Variants in CCND2 observed in about 807,000 individuals in gnomAD.
The protein encoded by CCND2 is cyclin D2, also known as G1/S-specific cyclin-D2.
In CCND2, 6 loss-of-function variants were observed where a neutral mutation model predicts 30.2. The observed-to-expected ratio is 0.20, with a 90% CI of 0.11 to 0.39. The LOEUF (loss-of-function observed/expected upper bound fraction) is 0.39, where lower values mean the gene tolerates loss of function less well. Ranked by LOEUF, CCND2 falls within the 10% of genes least tolerant of loss-of-function variation. The probability of loss-of-function intolerance (pLI) is 1.00; values close to 1 mark genes in which losing one functional copy is unlikely to be tolerated. For synonymous variants in CCND2, 150 were observed against 153.1 expected (o/e 0.98, Z 0.15); for missense variants, 235 against 373.4 (o/e 0.63, Z 3.06).
At chr12:4,278,694 G>T (rs1221865622) in intron 2 of CCND2, 66 bp from the exon 3 acceptor site, 2 of 1,555,960 alleles carry the variant, frequency 1.3e-6, no homozygotes, top group African/African-American at 2.7e-5. Context: ...CCAACCCCCA[G>T]CCCCCTACAC....
Position 4,302,368 on chromosome 12 carries a change from T to C in CCND2, c.*2359T>C, listed in dbSNP as rs1431313559. 6 of 232,964 alleles carry C rather than the reference T, an allele frequency of 2.6e-5. No homozygotes were observed. In the East Asian group the frequency reaches 3.6e-4, roughly 14 times the overall value. The allele number at this position is 232,964 out of a possible 1,614,324, so 14.4% of individuals were successfully genotyped here. ...GTGTCAGGAAACAGACTAAAAAGAA[T>C]TCCACCAGGCTGTTTGGAGATCCTC... On this transcript the variant is annotated 3_prime_UTR_variant, in exon 5 of 5. Transcript: ENST00000261254.
chr12:4,300,322 A>G lies in CCND2; in HGVS notation c.*313A>G. ...CCTGCAGAGTAGTTAGAGAATATGT[A>G]TGCCTGCAATATGGGAACAAATTAG... On this transcript the variant is annotated 3_prime_UTR_variant, in exon 5 of 5. Transcript: ENST00000261254. The G allele has an allele frequency of 6.6e-6, 2 of 302,904 alleles. No homozygotes were observed. The highest frequency in any genetic ancestry group is 9.2e-5 in the South Asian group (1 of 10,818). 18.8% of individuals were successfully genotyped at this position (302,904 alleles called of 1,614,324 possible).
At chr12:4,294,050 C>T (rs1259012836) in intron 4 of CCND2, among the ~76,000 whole-genome samples, 1 of 152,192 alleles carries the variant, frequency 6.6e-6, no homozygotes, top group Non-Finnish European at 1.5e-5. Flanking sequence ...GTCTGGGGCT[C>T]ATTCAGCCCT....
Position 4,299,251 on chromosome 12 carries a change from T to C in CCND2, c.721-609T>C, listed in dbSNP as rs1325330352. On this transcript the variant is annotated intron_variant, in intron 4 of 4. Transcript: ENST00000261254. The surrounding 1 kb of genome is among the most constrained non-coding windows in gnomAD (Gnocchi z 5.2). ...GGCGGGTGCCTGTAGTCCCAGCTACTTGGGAGGCTGAGGCAGGAGAATCGC... is the reference window on the plus strand; with the variant it reads ...GGCGGGTGCCTGTAGTCCCAGCTACCTGGGAGGCTGAGGCAGGAGAATCGC... 2.0e-5 allele frequency among the ~76,000 whole-genome samples: 3 copies of C among 152,150 alleles called. No individual in the cohort carries two copies. Among genetic ancestry groups the C allele is most frequent in the Non-Finnish European group, 4.4e-5 (3 of 68,022 alleles).
At position 4,299,012 on chromosome 12, in the gene CCND2, C is replaced by A. The variant is rs1864211611; in HGVS notation, c.721-848C>A. Among the ~76,000 whole-genome samples, 2 of 152,048 alleles carry A rather than the reference C, an allele frequency of 1.3e-5. No homozygotes were observed. Among genetic ancestry groups the A allele is most frequent in the East Asian group, 3.9e-4 (2 of 5,192 alleles). On this transcript the variant is annotated intron_variant, in intron 4 of 4. Coordinates refer to ENST00000261254, the MANE Select transcript of CCND2 (RefSeq NM_001759.4). This position sits in a 1 kb window ranked among gnomAD's most constrained non-coding sequence, Gnocchi z 5.2. ...ATGTTGTAGACATTCTGCATTATAT[C>A]TTTATGAGAGTTAAGGAAATGGTAA...
In CCND2 at chr12:4,282,363, C is replaced by A. The variant is rs777481291; in HGVS notation, c.571+3444C>A. 2.0e-5 allele frequency among the ~76,000 whole-genome samples: 3 copies of A among 152,196 alleles called. No individual in the cohort carries two copies. Among genetic ancestry groups the A allele is most frequent in the Non-Finnish European group, 4.4e-5 (3 of 68,028 alleles). ...CCCCCAGGCCTCCCCACGCCAAGGC[C>A]AGAGCCCCATTGTTGACTAGAACCC... On this transcript the variant is annotated intron_variant, in intron 3 of 4. Transcript: ENST00000261254. This position sits in a 1 kb window ranked among gnomAD's most constrained non-coding sequence, Gnocchi z 4.3.
Position 4,301,423 on chromosome 12 carries a change from C to T in CCND2, c.*1414C>T, listed in dbSNP as rs551292905. Reference sequence around the variant, plus strand: ...ATTCAGCGTACTTGAATTTTTCTTCCTCTCCACTTCTTAGAGGCATTCAGT... The same window carrying T: ...ATTCAGCGTACTTGAATTTTTCTTCTTCTCCACTTCTTAGAGGCATTCAGT... On this transcript the variant is annotated 3_prime_UTR_variant, in exon 5 of 5. Transcript: ENST00000261254. 4.3e-6 allele frequency: 1 copy of T among 231,842 alleles called. No homozygotes were observed. Among genetic ancestry groups the T allele is most frequent in the Admixed American group, 5.7e-5 (1 of 17,648 alleles). 14.4% of individuals were successfully genotyped at this position (231,842 alleles called of 1,614,324 possible). A position where few individuals can be genotyped will look rare whatever the true frequency, so the allele number is the denominator to read the frequency against.
In CCND2 at chr12:4,304,048, G is replaced by A. The variant is rs886502886; in HGVS notation, c.*4039G>A. On this transcript the variant is annotated 3_prime_UTR_variant, in exon 5 of 5. Coordinates refer to ENST00000261254, the MANE Select transcript of CCND2 (RefSeq NM_001759.4). This position sits in a 1 kb window ranked among gnomAD's most constrained non-coding sequence, Gnocchi z 6.2. Reference sequence around the variant, plus strand: ...CTAGGGCCTCTCCAGACTGTGCCCTGGGAGCTCTGGGACTGAAAGGTTAAG... The same window carrying A: ...CTAGGGCCTCTCCAGACTGTGCCCTAGGAGCTCTGGGACTGAAAGGTTAAG... The A allele has an allele frequency of 1.0e-4, 24 of 233,184 alleles. No individual in the cohort carries two copies. Among genetic ancestry groups the A allele is most frequent in the African/African-American group, 4.9e-4 (22 of 45,326 alleles). 14.4% of individuals were successfully genotyped at this position (233,184 alleles called of 1,614,324 possible).
In CCND2 at chr12:4,274,073, C is replaced by T. The variant is rs371641860; in HGVS notation, c.33C>T (p.Val11=). The T allele has an allele frequency of 1.2e-6, 2 of 1,612,884 alleles. No individual in the cohort carries two copies. Among genetic ancestry groups the T allele is most frequent in the Middle Eastern group, 1.7e-4 (1 of 5,878 alleles). Residue 11 remains valine, a synonymous_variant, in exon 1 of 5, where the codon GTC becomes GTT. Coordinates refer to ENST00000261254, the MANE Select transcript of CCND2 (RefSeq NM_001759.4). This position sits in a 1 kb window ranked among gnomAD's most constrained non-coding sequence, Gnocchi z 7.7. ...TGCTGTGCCACGAGGTGGACCCGGT[C>T]CGCAGGGCCGTGCGGGACCGCAACC... The part of the protein sequence containing the change: MELLCHEVDP[V]RRAVRDRNLL...
Position 4,300,149 on chromosome 12 carries a change from T to C in CCND2, c.*140T>C. The stretch of plus-strand genomic sequence containing the variant: ...CACCTAGATCATATTTAAAGATCTT[T>C]TAGAAGTGAGAGAAAAAGGTCCTAC... On this transcript the variant is annotated 3_prime_UTR_variant, in exon 5 of 5. Coordinates refer to ENST00000261254, the MANE Select transcript of CCND2 (RefSeq NM_001759.4). 1.2e-6 allele frequency: 1 copy of C among 844,866 alleles called. No homozygotes were observed. 52.3% of individuals were successfully genotyped at this position (844,866 alleles called of 1,614,324 possible).
rs1864258827 is a variant in CCND2 at position 4,302,126 on chromosome 12, A to G, written c.*2117A>G. ...TGAGGAATACAGAAGCAGTGTGAGC[A>G]GGGCTGACTCCCTCTCAGGTGGAAG... On this transcript the variant is annotated 3_prime_UTR_variant, in exon 5 of 5. Transcript: ENST00000261254. 8.6e-6 allele frequency: 2 copies of G among 233,064 alleles called. No homozygotes were observed. Among genetic ancestry groups the G allele is most frequent in the Non-Finnish European group, 1.7e-5 (2 of 117,804 alleles). The allele number at this position is 233,064 out of a possible 1,614,324, so 14.4% of individuals were successfully genotyped here.
rs554113830 is a variant in CCND2 at position 4,281,591 on chromosome 12, C to T, written c.571+2672C>T. 1.4e-3 allele frequency among the ~76,000 whole-genome samples: 207 copies of T among 151,798 alleles called. 2 individuals carry two copies. Among genetic ancestry groups the T allele is most frequent in the Non-Finnish European group, 2.5e-3 (172 of 67,942 alleles). ...CGTCCTGGAGCTGATGAAACACCTG[C>T]GGCCAGGGTCTCGGAGGTCCACAGT... On this transcript the variant is annotated intron_variant, in intron 3 of 4. Transcript: ENST00000261254.
rs1280064185 is a variant in CCND2 at position 4,273,810 on chromosome 12, G to A, written c.-231G>A. On this transcript the variant is annotated 5_prime_UTR_variant, in exon 1 of 5. Coordinates refer to ENST00000261254, the MANE Select transcript of CCND2 (RefSeq NM_001759.4). The surrounding 1 kb of genome is among the most constrained non-coding windows in gnomAD (Gnocchi z 5.9). ...GAGAGCGAGACCAGTTTTAAGGGGAGGACCGGTGCGAGTGAGGCAGCCCCG... is the reference window on the plus strand; with the variant it reads ...GAGAGCGAGACCAGTTTTAAGGGGAAGACCGGTGCGAGTGAGGCAGCCCCG... The A allele has an allele frequency of 3.4e-6, 2 of 590,252 alleles. No individual in the cohort carries two copies. The highest frequency in any genetic ancestry group is 3.8e-5 in the African/African-American group (2 of 53,326). 36.6% of individuals were successfully genotyped at this position (590,252 alleles called of 1,614,324 possible).
chr12:4,299,805 A>G lies in CCND2; in HGVS notation c.721-55A>G. The G allele has an allele frequency of 1.3e-6, 2 of 1,522,110 alleles. No individual in the cohort carries two copies. The highest frequency in any genetic ancestry group is 1.8e-5 in the Admixed American group (1 of 55,078). 94.3% of individuals were successfully genotyped at this position (1,522,110 alleles called of 1,614,324 possible). On this transcript the variant is annotated intron_variant, in intron 4 of 4. Coordinates refer to ENST00000261254, the MANE Select transcript of CCND2 (RefSeq NM_001759.4). This position sits in a 1 kb window ranked among gnomAD's most constrained non-coding sequence, Gnocchi z 5.2. ...AAATTACGCATGTTTTCTCCGTAGGATGCTCTATGTCCTGTTCCTCTTACT... is the reference window on the plus strand; with the variant it reads ...AAATTACGCATGTTTTCTCCGTAGGGTGCTCTATGTCCTGTTCCTCTTACT...
Position 4,304,027 on chromosome 12 carries a change from G to A in CCND2, c.*4018G>A. On this transcript the variant is annotated 3_prime_UTR_variant, in exon 5 of 5. Transcript: ENST00000261254. The surrounding 1 kb of genome is among the most constrained non-coding windows in gnomAD (Gnocchi z 6.2). ...CTTCCCTGCAGTCTAGCACCTCTAG[G>A]GCCTCTCCAGACTGTGCCCTGGGAG... is the stretch of plus-strand genomic sequence containing the variant. The A allele has an allele frequency of 4.3e-6, 1 of 233,298 alleles. No individual in the cohort carries two copies. The highest frequency in any genetic ancestry group is 6.0e-5 in the East Asian group (1 of 16,590). 14.5% of individuals were successfully genotyped at this position (233,298 alleles called of 1,614,324 possible). A position where few individuals can be genotyped will look rare whatever the true frequency, so the allele number is the denominator to read the frequency against.
At chr12:4,279,496 G>A (rs146765819) in intron 3 of CCND2, among the ~76,000 whole-genome samples, 236 of 152,064 alleles carry the variant, frequency 1.6e-3, no homozygotes, top group East Asian at 0.014. Context: ...GTTGGCTTTC[G>A]GTGAGGCTTT....
rs1176988175 is a variant in CCND2, at chr12:4,274,707, G to A, written c.195+472G>A. Reference sequence around the variant, plus strand: ...CGCGACTCCGCGCTGGCACTTCACCGGGGAGGTGGAGGGAGGAGGGAGAAG... The same window carrying A: ...CGCGACTCCGCGCTGGCACTTCACCAGGGAGGTGGAGGGAGGAGGGAGAAG... On this transcript the variant is annotated intron_variant, in intron 1 of 4. Transcript: ENST00000261254. The surrounding 1 kb of genome is among the most constrained non-coding windows in gnomAD (Gnocchi z 7.7). Among the ~76,000 whole-genome samples the A allele has an allele frequency of 6.6e-6, 1 of 152,226 alleles. No individual in the cohort carries two copies. The highest frequency in any genetic ancestry group is 1.5e-5 in the Non-Finnish European group (1 of 68,044).
At chr12:4,294,085 G>A (rs184777678) in intron 4 of CCND2, among the ~76,000 whole-genome samples, 3 of 152,306 alleles carry the variant, frequency 2.0e-5, no homozygotes, top group East Asian at 1.9e-4. Flanking sequence ...AGTGCAGTGC[G>A]TGTGTGGTGA....
intron 4 of CCND2, among the ~76,000 whole-genome samples, chr12:4,294,005 G>C (rs1405104367): frequency 6.6e-6 from 1 of 152,170 alleles, no homozygotes; most frequent in Non-Finnish European, 1.5e-5. Flanking sequence ...GAATGAGATA[G>C]TTTCCTAAGT....
Sources: gnomAD v4.1 joint callset for allele counts (sites outside exome capture counted in the v4.1 genomes callset) on GRCh38, gnomAD v4.1.1 for gene constraint, Gnocchi (gnomAD v3.1) non-coding constraint, MANE v1.5 for transcripts, NCBI Gene and HGNC (gene_info 2026-07-23, HGNC 2026-07-21) for gene names.